The following DENND1A variants were observed in gnomAD, a reference collection of about 807,000 sequenced individuals.
DENND1A encodes the protein DENN domain containing 1A, also known as DENN domain-containing protein 1A.
In DENND1A, 51 loss-of-function variants were observed where a neutral mutation model predicts 113.7. The ratio of observed to expected loss-of-function variants is 0.45; its 90% CI spans 0.36 to 0.57. The LOEUF (loss-of-function observed/expected upper bound fraction) is 0.57, where lower values mean the gene tolerates loss of function less well. Ranked by LOEUF, DENND1A falls within the 20% of genes least tolerant of loss-of-function variation. DENND1A has a pLI of 0.00. For synonymous variants in DENND1A, 565 were observed against 570.8 expected (o/e 0.99, Z 0.14); for missense variants, 1,258 against 1,395.9 (o/e 0.90, Z 1.57).
chr9:123,467,819 C>G (rs2049082324), intron 13 of DENND1A, among the ~76,000 whole-genome samples: 1 of 152,162 alleles, frequency 6.6e-6, no homozygotes, highest in Non-Finnish European at 1.5e-5. Context: ...ACTCAAGGCT[C>G]TAAGTGACCT....
At chr9:123,925,000 A>G (rs1856856728) in intron 1 of DENND1A, among the ~76,000 whole-genome samples, 1 of 152,118 alleles carries the variant, frequency 6.6e-6, no homozygotes, top group Non-Finnish European at 1.5e-5. Context: ...CTCTATCTAA[A>G]ATAGGACAGT....
At chr9:123,731,896 T>G (rs2068201249) in intron 5 of DENND1A, among the ~76,000 whole-genome samples, 1 of 152,208 alleles carries the variant, frequency 6.6e-6, no homozygotes, top group Non-Finnish European at 1.5e-5. Context: ...ACAAATCAAT[T>G]TTTTTAAATG....
chr9:123,530,837 TAA>T (rs2055235214), intron 13 of DENND1A, among the ~76,000 whole-genome samples: 1 of 152,124 alleles, frequency 6.6e-6, no homozygotes, highest in Non-Finnish European at 1.5e-5. Context: ...TTAGCCACAT[TAA>T]GAGATTAACA....
chr9:123,674,358 A>T (rs755874079), intron 6 of DENND1A, among the ~76,000 whole-genome samples: 9,880 of 132,502 alleles, frequency 0.075, 472 homozygotes, highest in Non-Finnish European at 0.096. Context: ...ACACACACAC[A>T]CACACACACA....
At chr9:123,420,953 T>C (rs1032572253) in intron 19 of DENND1A, among the ~76,000 whole-genome samples, 7 of 151,248 alleles carry the variant, frequency 4.6e-5, no homozygotes, top group Admixed American at 2.0e-4. Context: ...GGCATCCCAT[T>C]GGTGGCCGGA....
At chr9:123,775,547 G>T (rs906992313) in intron 3 of DENND1A, among the ~76,000 whole-genome samples, 36 of 152,016 alleles carry the variant, frequency 2.4e-4, no homozygotes, top group Non-Finnish European at 4.9e-4. Context: ...AAAGAGCACT[G>T]ATAGAAATAC....
At chr9:123,403,046 T>C (rs1245922975) in intron 21 of DENND1A, among the ~76,000 whole-genome samples, 1 of 152,152 alleles carries the variant, frequency 6.6e-6, no homozygotes, top group African/African-American at 2.4e-5. Flanking sequence ...GGTGGGTGGA[T>C]CCAGTTCAAC....
At chr9:123,839,642 G>C (rs1467659510) in intron 2 of DENND1A, among the ~76,000 whole-genome samples, 1 of 152,114 alleles carries the variant, frequency 6.6e-6, no homozygotes, top group Admixed American at 6.5e-5. Flanking sequence ...AGCATTCAAA[G>C]CTTACAATGA....
At chr9:123,607,770 C>CATAGAA (rs1029131940) in intron 11 of DENND1A, among the ~76,000 whole-genome samples, 2 of 150,726 alleles carry the variant, frequency 1.3e-5, no homozygotes, top group Admixed American at 6.6e-5. Flanking sequence ...CTAGAGGGCA[C>CATAGAA]ATAGAAAAGA....
At chr9:123,595,957 T>C (rs1564787910) in intron 11 of DENND1A, among the ~76,000 whole-genome samples, 1 of 152,304 alleles carries the variant, frequency 6.6e-6, no homozygotes, top group East Asian at 1.9e-4. Flanking sequence ...ACTCTGCTGG[T>C]GTTTTGTCTC....
chr9:123,652,797 G>A (rs2062730979), intron 8 of DENND1A, among the ~76,000 whole-genome samples: 1 of 152,136 alleles, frequency 6.6e-6, no homozygotes, highest in African/African-American at 2.4e-5. Flanking sequence ...ACAAACAGCA[G>A]CAAGTTGTGA....
At chr9:123,731,953 A>T (rs1379692857) in intron 5 of DENND1A, among the ~76,000 whole-genome samples, 1 of 152,242 alleles carries the variant, frequency 6.6e-6, no homozygotes, top group Non-Finnish European at 1.5e-5. Context: ...CAAATGACAA[A>T]TAAGCACGAT....
At chr9:123,640,041 T>C (rs1564866360) in intron 9 of DENND1A, among the ~76,000 whole-genome samples, 1 of 152,166 alleles carries the variant, frequency 6.6e-6, no homozygotes, top group African/African-American at 2.4e-5. Flanking sequence ...GAGCTCTGGA[T>C]TCTGTGCTCT....
At chr9:123,601,495 G>C (rs1053590652) in intron 11 of DENND1A, among the ~76,000 whole-genome samples, 1 of 152,208 alleles carries the variant, frequency 6.6e-6, no homozygotes, top group African/African-American at 2.4e-5. Context: ...TTTGCAGTAG[G>C]AAGCTTCTGG....
intron 13 of DENND1A, among the ~76,000 whole-genome samples, chr9:123,524,497 C>T (rs1417147385): frequency 1.3e-5 from 2 of 152,128 alleles, no homozygotes; most frequent in African/African-American, 4.8e-5. Context: ...GTGGCCAACA[C>T]AGATGAGCCA....
chr9:123,461,321 C>T (rs548575198), intron 13 of DENND1A, among the ~76,000 whole-genome samples: 10 of 152,170 alleles, frequency 6.6e-5, no homozygotes, highest in Admixed American at 1.3e-4. Context: ...CATCTCTGTA[C>T]GCCCCAGGAA....
At chr9:123,645,894 G>C (rs1197798110) in intron 9 of DENND1A, among the ~76,000 whole-genome samples, 1 of 152,112 alleles carries the variant, frequency 6.6e-6, no homozygotes, top group East Asian at 1.9e-4. Flanking sequence ...TCCACATTAA[G>C]ACTTGGATTC....
chr9:123,500,406 T>C (rs1253057404), intron 13 of DENND1A, among the ~76,000 whole-genome samples: 1 of 152,230 alleles, frequency 6.6e-6, no homozygotes, highest in African/African-American at 2.4e-5. Flanking sequence ...AAGCTGTCAA[T>C]GTGTTCTGCT....
intron 5 of DENND1A, among the ~76,000 whole-genome samples, chr9:123,704,643 A>T (rs2066075423): frequency 6.6e-6 from 1 of 152,212 alleles, no homozygotes; most frequent in Non-Finnish European, 1.5e-5. Context: ...CTACAAATAA[A>T]GCTTTGTGGA....
Sources: gnomAD v4.1 joint callset for allele counts (sites outside exome capture counted in the v4.1 genomes callset) on GRCh38, gnomAD v4.1.1 for gene constraint, MANE v1.5 for transcripts, NCBI Gene and HGNC (gene_info 2026-07-23, HGNC 2026-07-21) for gene names.